Variants in PISD observed in about 807,000 individuals in gnomAD.
The protein encoded by PISD is phosphatidylserine decarboxylase proenzyme, mitochondrial.
In PISD, 31 loss-of-function variants were observed where a neutral mutation model predicts 43.5. The ratio of observed to expected loss-of-function variants is 0.71; its 90% confidence interval spans 0.54 to 0.96. The LOEUF is 0.96. PISD is among the 40% of genes least tolerant of loss of function. The pLI is 0.00. For missense variants in PISD, 523 were observed against 548.4 expected (o/e 0.95, Z 0.46); for synonymous variants, 259 against 228.7 (o/e 1.13, Z -1.20).
At chr22:31,619,876 C>A in intron 7 of PISD, 40 bp from the exon 8 acceptor site, 3 of 1,368,750 alleles carry the variant, frequency 2.2e-6, no homozygotes, top group South Asian at 2.5e-5. Context: ...CCCAGGCCAC[C>A]AAGTGCACAG....
intron 3 of PISD, among the ~76,000 whole-genome samples, chr22:31,623,314 T>A (rs1015114855): frequency 6.6e-6 from 1 of 152,218 alleles, no homozygotes; most frequent in Admixed American, 6.5e-5. Context: ...CGGAATTAAT[T>A]TGGCTTCTGT....
intron 3 of PISD, among the ~76,000 whole-genome samples, chr22:31,633,949 T>TATTTCC (rs2147711977): frequency 6.6e-6 from 1 of 152,326 alleles, no homozygotes; most frequent in Admixed American, 6.5e-5. Context: ...TGGAGTCCTT[T>TATTTCC]ATTTCCACGC....
intron 3 of PISD, chr22:31,628,808 C>T (rs2073045131): frequency 1.0e-6 from 1 of 985,300 alleles, no homozygotes. Flanking sequence ...CCCACTTCCA[C>T]CTAGGAGCGC....
chr22:31,637,149 AAAAAAAAAAAAAAAAATAT>A (rs1232610648), intron 3 of PISD, among the ~76,000 whole-genome samples: 13 of 16,126 alleles, frequency 8.1e-4, no homozygotes, highest in South Asian at 1.8e-3. Flanking sequence ...AAATTAAAAA[AAAAAAAAAAAAAAAAATAT>A]ATATATATAT....
intron 1 of PISD, among the ~76,000 whole-genome samples, chr22:31,655,829 G>T (rs1316572971): frequency 6.6e-6 from 1 of 151,570 alleles, no homozygotes; most frequent in Non-Finnish European, 1.5e-5. Flanking sequence ...TAGAGACAGG[G>T]TTTCGCCATG....
Position 31,639,633 on chromosome 22 carries a change from G to A in PISD, c.321+8468C>T, listed in dbSNP as rs1024560857. 2.6e-5 allele frequency among the ~76,000 whole-genome samples: 4 copies of A among 151,846 alleles called. No homozygotes were observed. The East Asian group carries it at 7.7e-4, about 29-fold the overall frequency. ...AAAGAGGAAACAGGCAATATGACAT[G>A]ATTGCTGAATGATTTTTTTTATGAC... is the stretch of plus-strand genomic sequence containing the variant. On this transcript the variant is annotated intron_variant, in intron 3 of 7. Transcript: ENST00000439502.
At chr22:31,655,335 A>G (rs2074142057) in intron 1 of PISD, among the ~76,000 whole-genome samples, 2 of 143,314 alleles carry the variant, frequency 1.4e-5, no homozygotes, top group Admixed American at 7.4e-5. Flanking sequence ...TTTTTCCCAG[A>G]GATGGGGTCT....
intron 6 of PISD, 67 bp downstream of exon 6, chr22:31,620,929 C>T (rs2072522500): frequency 6.6e-7 from 1 of 1,517,878 alleles, no homozygotes; most frequent in East Asian, 2.4e-5. Flanking sequence ...CCCCCAACAC[C>T]AAGAAGCTGA....
intron 3 of PISD, chr22:31,628,302 C>A (rs938077639): frequency 1.9e-6 from 1 of 526,776 alleles, no homozygotes. Flanking sequence ...TTTCTGGCCT[C>A]CCTATTTCAA....
rs2073445329 is a variant in PISD at position 31,636,594 on chromosome 22, C to T, written c.321+11507G>A. 2.7e-5 allele frequency among the ~76,000 whole-genome samples: 4 copies of T among 150,756 alleles called. No homozygotes were observed. In the South Asian group the frequency reaches 8.4e-4, roughly 32 times the overall value. On this transcript the variant is annotated intron_variant, in intron 3 of 7. Transcript: ENST00000439502. ...TCACTCTCTCTCCCAGTCTGGAGTG[C>T]AGTGGCACGATCTCGGCTCACTGCA...
chr22:31,638,059 C>CA (rs2073567336), intron 3 of PISD, among the ~76,000 whole-genome samples: 1 of 152,254 alleles, frequency 6.6e-6, no homozygotes, highest in African/African-American at 2.4e-5. Flanking sequence ...CTCTGTCCTC[C>CA]AAACCACTGG....
intron 7 of PISD, 61 bp from the exon 8 acceptor site, chr22:31,619,897 A>C (rs2072402369): frequency 8.8e-7 from 1 of 1,130,268 alleles, no homozygotes; most frequent in South Asian, 1.4e-5. Context: ...TGTCACCCCC[A>C]CATGTGTTTG....
intron 3 of PISD, among the ~76,000 whole-genome samples, chr22:31,642,654 G>A (rs373705139): frequency 1.3e-5 from 2 of 150,432 alleles, no homozygotes; most frequent in African/African-American, 5.0e-5. Flanking sequence ...TTAGCTGGGC[G>A]TGGTGGTGCG....
At chr22:31,623,023 C>T (rs931902523) in intron 3 of PISD, among the ~76,000 whole-genome samples, 1 of 152,236 alleles carries the variant, frequency 6.6e-6, no homozygotes, top group African/African-American at 2.4e-5. Flanking sequence ...CCAGGCCCTT[C>T]CCAGGCACAG....
intron 2 of PISD, 105 bp from the exon 3 acceptor site, chr22:31,648,381 G>T: frequency 1.1e-6 from 1 of 933,802 alleles, no homozygotes. Flanking sequence ...GCGCACCTCA[G>T]AAGCCCTCAG....
intron 3 of PISD, chr22:31,626,158 G>T: frequency 1.4e-6 from 1 of 718,242 alleles, no homozygotes; most frequent in Non-Finnish European, 2.0e-6. Context: ...CCAGGGCTGA[G>T]CCAGCCTGCA....
At chr22:31,624,306 C>A (rs377214411) in intron 3 of PISD, among the ~76,000 whole-genome samples, 1 of 152,208 alleles carries the variant, frequency 6.6e-6, no homozygotes, top group Non-Finnish European at 1.5e-5. Context: ...CTCTGCCACA[C>A]AGGCACTGGC....
upstream of PISD, chr22:31,662,500 AG>A: frequency 2.0e-6 from 1 of 497,604 alleles, no homozygotes; most frequent in Non-Finnish European, 3.7e-6. Context: ...GAGTCATCCA[AG>A]ATCCAAGAAT....
intron 1 of PISD, among the ~76,000 whole-genome samples, chr22:31,656,690 CAGAA>C (rs1272856727): frequency 1.5e-5 from 2 of 135,790 alleles, no homozygotes; most frequent in African/African-American, 5.9e-5. Context: ...ATAAACAAAA[CAGAA>C]AGACAAGATC....
Sources: gnomAD v4.1 joint callset for allele counts (sites outside exome capture counted in the v4.1 genomes callset) on GRCh38, gnomAD v4.1.1 for gene constraint, MANE v1.5 for transcripts, NCBI Gene and HGNC (gene_info 2026-07-23, HGNC 2026-07-21) for gene names.